The following NRG3 variants were observed in gnomAD, a reference collection of about 807,000 sequenced individuals.
The protein encoded by NRG3 is pro-neuregulin-3, membrane-bound isoform.
NRG3 carries 31 observed loss-of-function variants against 66.9 expected under a neutral mutation model. The ratio of observed to expected loss-of-function variants is 0.46; its 90% confidence interval spans 0.35 to 0.63. The LOEUF (loss-of-function observed/expected upper bound fraction) is 0.63. Among genes scored for constraint, NRG3 ranks in the 20% least tolerant of loss-of-function variants. The pLI is 0.00. For synonymous variants in NRG3, 393 were observed against 359.4 expected, an observed-to-expected ratio of 1.09 and a Z score of -1.06; for missense variants, 910 against 878.9, an observed-to-expected ratio of 1.04 and a Z score of -0.45.
intron 2 of NRG3, among the ~76,000 whole-genome samples, chr10:82,501,055 C>T (rs761273167): frequency 7.2e-5 from 11 of 152,110 alleles, no homozygotes; most frequent in Non-Finnish European, 1.6e-4. Context: ...CATATTGTGT[C>T]TGGGATATCT....
At chr10:82,943,317 G>A (rs1255942963) in intron 4 of NRG3, among the ~76,000 whole-genome samples, 1 of 152,184 alleles carries the variant, frequency 6.6e-6, no homozygotes, top group African/African-American at 2.4e-5. Context: ...GTAAAAGTCA[G>A]GCATGCATAA....
At chr10:82,164,757 G>C (rs1376697519) in intron 1 of NRG3, among the ~76,000 whole-genome samples, 1 of 152,188 alleles carries the variant, frequency 6.6e-6, no homozygotes, top group Non-Finnish European at 1.5e-5. Flanking sequence ...AGGAAAACTA[G>C]GTGGGGAGCT....
At chr10:82,278,988 C>T (rs1374695157) in intron 1 of NRG3, among the ~76,000 whole-genome samples, 3 of 152,132 alleles carry the variant, frequency 2.0e-5, no homozygotes, top group East Asian at 3.9e-4. Flanking sequence ...CGATATTGCA[C>T]AGCACATGTT....
intron 1 of NRG3, among the ~76,000 whole-genome samples, chr10:82,036,984 G>C (rs913052106): frequency 2.6e-5 from 4 of 152,106 alleles, no homozygotes; most frequent in Admixed American, 6.5e-5. Flanking sequence ...ATTAATCACT[G>C]TATGAATTTG....
chr10:82,053,823 T>A (rs945335724), intron 1 of NRG3, among the ~76,000 whole-genome samples: 1 of 152,138 alleles, frequency 6.6e-6, no homozygotes, highest in Non-Finnish European at 1.5e-5. Context: ...ATGGATAGTT[T>A]GGAAGGAGCT....
chr10:82,426,791 G>A (rs1201644135), intron 2 of NRG3, among the ~76,000 whole-genome samples: 3 of 151,366 alleles, frequency 2.0e-5, no homozygotes, highest in African/African-American at 2.4e-5. Flanking sequence ...GCACCACCAC[G>A]CCCAGCTAAT....
At chr10:81,946,767 A>G (rs1848882452) in intron 1 of NRG3, among the ~76,000 whole-genome samples, 1 of 152,208 alleles carries the variant, frequency 6.6e-6, no homozygotes, top group South Asian at 2.1e-4. Context: ...GCTGATTACC[A>G]TAGTCTCTCA....
chr10:82,391,444 C>T (rs1183359165), intron 2 of NRG3, among the ~76,000 whole-genome samples: 3 of 152,166 alleles, frequency 2.0e-5, no homozygotes, highest in Admixed American at 1.3e-4. Flanking sequence ...AGTGTGTCAG[C>T]TCTGCACCTG....
chr10:82,349,676 T>C (rs2083288696), intron 1 of NRG3, among the ~76,000 whole-genome samples: 1 of 151,970 alleles, frequency 6.6e-6, no homozygotes, highest in African/African-American at 2.4e-5. Flanking sequence ...CGCTGCCGCC[T>C]TGCAGTTTGA....
chr10:82,949,198 T>G (rs1317142874), intron 4 of NRG3, among the ~76,000 whole-genome samples: 1 of 152,174 alleles, frequency 6.6e-6, no homozygotes, highest in African/African-American at 2.4e-5. Context: ...TTTTAAAATA[T>G]TAAACCAACC....
chr10:82,825,793 A>G (rs909325852), intron 3 of NRG3, among the ~76,000 whole-genome samples: 1 of 152,220 alleles, frequency 6.6e-6, no homozygotes, highest in African/African-American at 2.4e-5. Flanking sequence ...CATACGATTA[A>G]ATATTATAAA....
At chr10:82,018,081 G>C (rs924959724) in intron 1 of NRG3, among the ~76,000 whole-genome samples, 1 of 152,118 alleles carries the variant, frequency 6.6e-6, no homozygotes, top group African/African-American at 2.4e-5. Context: ...TAATGTTGAA[G>C]TCTTTAATCC....
intron 3 of NRG3, among the ~76,000 whole-genome samples, chr10:82,831,889 C>A (rs2062546403): frequency 6.6e-6 from 1 of 152,072 alleles, no homozygotes; most frequent in Non-Finnish European, 1.5e-5. Flanking sequence ...TGTCCAAAGC[C>A]TTATATGCAC....
intron 1 of NRG3, among the ~76,000 whole-genome samples, chr10:82,045,329 A>C (rs1306153320): frequency 7.8e-4 from 54 of 69,088 alleles, no homozygotes; most frequent in African/African-American, 2.0e-3. Context: ...GATGATGAGC[A>C]TTTTTTCATG....
At chr10:82,471,524 C>CT (rs1257189502) in intron 2 of NRG3, among the ~76,000 whole-genome samples, 4 of 152,150 alleles carry the variant, frequency 2.6e-5, no homozygotes, top group African/African-American at 4.8e-5. Context: ...TTACATAAAG[C>CT]TTTTTTATTT....
At chr10:82,169,507 T>G (rs2072386051) in intron 1 of NRG3, among the ~76,000 whole-genome samples, 1 of 151,742 alleles carries the variant, frequency 6.6e-6, no homozygotes, top group Admixed American at 6.6e-5. Flanking sequence ...TTTTTTTAAT[T>G]TTTTATTTTT....
intron 1 of NRG3, among the ~76,000 whole-genome samples, chr10:81,910,544 A>G (rs1209325339): frequency 6.6e-6 from 1 of 152,026 alleles, no homozygotes; most frequent in Non-Finnish European, 1.5e-5. Context: ...AACAATTCTT[A>G]GACCAAAATA....
At chr10:82,568,590 G>C (rs2045554020) in intron 2 of NRG3, among the ~76,000 whole-genome samples, 1 of 151,738 alleles carries the variant, frequency 6.6e-6, no homozygotes, top group Non-Finnish European at 1.5e-5. Flanking sequence ...CATTAAAAGA[G>C]TAGAGAAGTA....
intron 1 of NRG3, among the ~76,000 whole-genome samples, chr10:81,998,837 T>TTG (rs1019832826): frequency 1.3e-5 from 2 of 151,962 alleles, no homozygotes; most frequent in Non-Finnish European, 2.9e-5. Flanking sequence ...CATGAAAACT[T>TTG]TGTGTGTGTG....
Sources: gnomAD v4.1 joint callset for allele counts (sites outside exome capture counted in the v4.1 genomes callset) on GRCh38, gnomAD v4.1.1 for gene constraint, MANE v1.5 for transcripts, NCBI Gene and HGNC (gene_info 2026-07-23, HGNC 2026-07-21) for gene names.